Variants in TMEM273 observed in about 807,000 individuals in gnomAD.
TMEM273 encodes transmembrane protein 273.
A neutral mutation model predicts 17.9 loss-of-function variants in TMEM273; 19 were observed. That is an observed-to-expected ratio of 1.06 (90% CI 0.74 to 1.55). The LOEUF (loss-of-function observed/expected upper bound fraction) is 1.55. Among genes scored for constraint, TMEM273 ranks in the 40% most tolerant of loss-of-function variants. The pLI is 0.00. For missense variants in TMEM273, 194 were observed against 155.6 expected, an observed-to-expected ratio of 1.25 and a Z score of -1.31; for synonymous variants, 66 against 62.0, an observed-to-expected ratio of 1.07 and a Z score of -0.31.
chr10:49,182,343 TA>T (rs1847399200), intron 1 of TMEM273, among the ~76,000 whole-genome samples: 2 of 152,108 alleles, frequency 1.3e-5, no homozygotes, highest in South Asian at 4.1e-4. Flanking sequence ...CTTTGACTTG[TA>T]AGATAAAAAC....
At chr10:49,178,269 T>G (rs1221529040) in intron 1 of TMEM273, 1 of 457,326 alleles carries the variant, frequency 2.2e-6, no homozygotes, top group Non-Finnish European at 4.4e-6. Context: ...CCTCTCTTCT[T>G]AGGATGGCAC....
At position 49,165,548 on chromosome 10, in the gene TMEM273, C is replaced by G. The variant is rs558419048; in HGVS notation, c.269+218G>C. Among the ~76,000 whole-genome samples, 6 of 152,298 alleles carry G rather than the reference C, an allele frequency of 3.9e-5. No homozygotes were observed. The South Asian group carries it at 1.2e-3, about 32-fold the overall frequency. On this transcript the variant is annotated intron_variant, in intron 4 of 6. Transcript: ENST00000374153. ...GGCTATGCAGAGGCGAGCCCTACTC[C>G]CTTTGACGGCTGTAGCCTGTGGCCC...
intron 3 of TMEM273, among the ~76,000 whole-genome samples, chr10:49,166,164 T>A (rs977552394): frequency 3.3e-5 from 5 of 152,024 alleles, no homozygotes; most frequent in African/African-American, 1.2e-4. Context: ...AAGCACCCCA[T>A]GGAAAACTGC....
chr10:49,187,160 G>A (rs557519520), intron 1 of TMEM273, among the ~76,000 whole-genome samples: 58 of 152,222 alleles, frequency 3.8e-4, no homozygotes, highest in African/African-American at 1.3e-3. Flanking sequence ...ACGTCTCTGG[G>A]CAGGCACACT....
At chr10:49,180,807 T>C (rs1356774478) in intron 1 of TMEM273, among the ~76,000 whole-genome samples, 2 of 152,218 alleles carry the variant, frequency 1.3e-5, no homozygotes, top group Non-Finnish European at 2.9e-5. Flanking sequence ...CCTACAGCTA[T>C]AACCAAACTT....
At chr10:49,159,834 A>G (rs906505015) in intron 6 of TMEM273, among the ~76,000 whole-genome samples, 1 of 152,180 alleles carries the variant, frequency 6.6e-6, no homozygotes, top group African/African-American at 2.4e-5. Flanking sequence ...GTGTTGTCAG[A>G]AGTCTAGCAT....
intron 1 of TMEM273, among the ~76,000 whole-genome samples, chr10:49,169,366 T>C (rs1846405061): frequency 6.6e-6 from 1 of 152,160 alleles, no homozygotes; most frequent in South Asian, 2.1e-4. Context: ...CCACACTCAG[T>C]GATGCCCAGA....
intron 1 of TMEM273, among the ~76,000 whole-genome samples, chr10:49,175,899 C>T (rs1256847656): frequency 6.6e-6 from 1 of 152,202 alleles, no homozygotes; most frequent in Non-Finnish European, 1.5e-5. Flanking sequence ...AGAGGCCCCA[C>T]AGCCGGACAC....
chr10:49,162,862 C>A (rs1319488733), intron 5 of TMEM273, among the ~76,000 whole-genome samples: 3 of 152,240 alleles, frequency 2.0e-5, no homozygotes, highest in Non-Finnish European at 4.4e-5. Flanking sequence ...ATCCTTCTCA[C>A]CCTTCCAGAC....
intron 2 of TMEM273, among the ~76,000 whole-genome samples, chr10:49,167,517 G>A (rs908144588): frequency 3.3e-5 from 5 of 152,226 alleles, no homozygotes; most frequent in Non-Finnish European, 5.9e-5. Context: ...CAGAGGGTGA[G>A]GCATGCAGAC....
intron 1 of TMEM273, among the ~76,000 whole-genome samples, chr10:49,169,119 G>A (rs1475755411): frequency 6.6e-6 from 1 of 152,194 alleles, no homozygotes; most frequent in African/African-American, 2.4e-5. Context: ...TGAACTAACA[G>A]ATACAACACC....
In TMEM273 at chr10:49,155,516, TGTGTTG is replaced by T; in HGVS notation, c.*370_*375del. On this transcript the variant is annotated 3_prime_UTR_variant, in exon 7 of 7. Transcript: ENST00000374153. ...TAAGATGGCAGTGTGTAGGAAGCTG[TGTGTTG>T]GGTCGGATTCCCCTTTTCATGAGCC... 6.7e-6 allele frequency: 2 copies of T among 297,640 alleles called. No individual in the cohort carries two copies. The highest frequency in any genetic ancestry group is 1.3e-5 in the Non-Finnish European group (2 of 158,708). The allele number at this position is 297,640 out of a possible 1,614,324, so 18.4% of individuals were successfully genotyped here. A position where few individuals can be genotyped will look rare whatever the true frequency, so the allele number is the denominator to read the frequency against.
chr10:49,163,304 T>TGAGAGAGA (rs528200016), intron 5 of TMEM273, among the ~76,000 whole-genome samples: 19 of 150,160 alleles, frequency 1.3e-4, no homozygotes, highest in African/African-American at 4.2e-4. Flanking sequence ...TGTGTGTGTG[T>TGAGAGAGA]GTGAGAGAGA....
intron 6 of TMEM273, among the ~76,000 whole-genome samples, chr10:49,158,888 G>C (rs1845673813): frequency 6.6e-6 from 1 of 152,100 alleles, no homozygotes; most frequent in Non-Finnish European, 1.5e-5. Context: ...TCCAAGTGCT[G>C]GGAAAAGTAT....
chr10:49,158,318 T>C (rs1216894058), intron 6 of TMEM273, among the ~76,000 whole-genome samples: 1 of 151,948 alleles, frequency 6.6e-6, no homozygotes, highest in Non-Finnish European at 1.5e-5. Context: ...TTTTTTTCTG[T>C]GTGTTGTTTT....
At chr10:49,181,835 A>G (rs1370458379) in intron 1 of TMEM273, among the ~76,000 whole-genome samples, 2 of 152,176 alleles carry the variant, frequency 1.3e-5, no homozygotes, top group Non-Finnish European at 2.9e-5. Context: ...AAAAAGATTA[A>G]TAAGTTAGGC....
chr10:49,161,307 G>T (rs971338217), intron 6 of TMEM273: 37 of 490,606 alleles, frequency 7.5e-5, no homozygotes, highest in African/African-American at 6.5e-4. Context: ...TCATAGGATA[G>T]GTCTTGGAGA....
chr10:49,187,597 T>C (rs1462364755), intron 1 of TMEM273, among the ~76,000 whole-genome samples: 1 of 152,188 alleles, frequency 6.6e-6, no homozygotes, highest in African/African-American at 2.4e-5. Context: ...TCTATGCATA[T>C]TTCTAACCAT....
chr10:49,166,261 C>T (rs1423557541), intron 3 of TMEM273, among the ~76,000 whole-genome samples: 1 of 149,456 alleles, frequency 6.7e-6, no homozygotes, highest in Admixed American at 6.6e-5. Flanking sequence ...CAATACTGCA[C>T]TTTGGGTGCC....
Sources: allele counts gnomAD v4.1 joint callset (sites outside exome capture counted in the v4.1 genomes callset), GRCh38; gene constraint gnomAD v4.1.1; transcripts MANE v1.5; gene names NCBI Gene and HGNC (gene_info 2026-07-23, HGNC 2026-07-21).